ASCC3: variants seen among roughly 807,000 people sequenced by gnomAD.
The protein encoded by ASCC3 is ASC-1 complex subunit P200.
In ASCC3, 158 loss-of-function variants were observed where a neutral mutation model predicts 256.3. That is an observed-to-expected ratio of 0.62 (90% confidence interval 0.54 to 0.70). The LOEUF is 0.70. ASCC3 is among the 30% of genes least tolerant of loss of function. The pLI is 0.00. For synonymous variants in ASCC3, 948 were observed against 883.4 expected (o/e 1.07, Z -1.30); for missense variants, 2,259 against 2,626.0 (o/e 0.86, Z 3.05).
chr6:100,866,585 G>T (rs1455011139), intron 2 of ASCC3, among the ~76,000 whole-genome samples: 2 of 152,182 alleles, frequency 1.3e-5, no homozygotes, highest in East Asian at 1.9e-4. Flanking sequence ...CTTAAAGGGG[G>T]TGATTAAGTT....
At chr6:100,836,874 C>A (rs1771902569) in intron 4 of ASCC3, among the ~76,000 whole-genome samples, 1 of 152,056 alleles carries the variant, frequency 6.6e-6, no homozygotes, top group South Asian at 2.1e-4. Flanking sequence ...CTGGAATTTT[C>A]TTTGATGGGA....
intron 4 of ASCC3, among the ~76,000 whole-genome samples, chr6:100,808,839 A>G (rs1770317154): frequency 6.6e-6 from 1 of 151,938 alleles, no homozygotes; most frequent in Non-Finnish European, 1.5e-5. Flanking sequence ...CAGCTAGACT[A>G]TATGGTGTAG....
At chr6:100,601,699 A>C (rs1772623143) in intron 34 of ASCC3, 111 bp downstream of exon 34, 4 of 1,259,540 alleles carry the variant, frequency 3.2e-6, no homozygotes, top group Non-Finnish European at 3.4e-6. Context: ...TATACCTAGA[A>C]TCTCCAAAGT....
chr6:100,684,685 C>T (rs974032001), intron 13 of ASCC3, among the ~76,000 whole-genome samples: 1 of 151,834 alleles, frequency 6.6e-6, no homozygotes, highest in Admixed American at 6.6e-5. Context: ...TATTTAACAT[C>T]ACACAAAACA....
intron 30 of ASCC3, among the ~76,000 whole-genome samples, chr6:100,609,101 T>G (rs530705615): frequency 6.6e-6 from 1 of 151,904 alleles, no homozygotes; most frequent in African/African-American, 2.4e-5. Flanking sequence ...TATTTGCACT[T>G]TATTTTATTT....
chr6:100,755,344 A>T (rs1188428904), intron 10 of ASCC3, among the ~76,000 whole-genome samples: 1 of 149,424 alleles, frequency 6.7e-6, no homozygotes, highest in African/African-American at 2.5e-5. Flanking sequence ...TTATATATAT[A>T]TTTTCCCCCA....
chr6:100,822,414 G>A (rs9377235), intron 4 of ASCC3, among the ~76,000 whole-genome samples: 59,092 of 151,560 alleles, frequency 0.39, 12,808 homozygotes, highest in Middle Eastern at 0.56. Flanking sequence ...GCATATGCCT[G>A]TGGTCCCAAC....
chr6:100,736,505 A>C (rs997479054), intron 10 of ASCC3, among the ~76,000 whole-genome samples: 2 of 152,104 alleles, frequency 1.3e-5, no homozygotes, highest in African/African-American at 4.8e-5. Context: ...CCATTTCAAA[A>C]AAAAAAAAGT....
At chr6:100,605,797 A>C in intron 32 of ASCC3, 97 bp from the exon 33 acceptor site, 1 of 1,343,266 alleles carries the variant, frequency 7.4e-7, no homozygotes, top group Non-Finnish European at 1.1e-6. Flanking sequence ...ACCAAATAAC[A>C]AAAGAAATAG....
intron 4 of ASCC3, among the ~76,000 whole-genome samples, chr6:100,845,960 G>T (rs1772361708): frequency 6.6e-6 from 1 of 152,068 alleles, no homozygotes; most frequent in African/African-American, 2.4e-5. Context: ...TATTCCCATG[G>T]TTCTGCTACA....
At chr6:100,627,040 C>G (rs1421857813) in intron 29 of ASCC3, among the ~76,000 whole-genome samples, 1 of 152,132 alleles carries the variant, frequency 6.6e-6, no homozygotes, top group Non-Finnish European at 1.5e-5. Context: ...CAATCAACAG[C>G]AGCTCACATT....
chr6:100,621,812 A>G (rs945445498), intron 30 of ASCC3, among the ~76,000 whole-genome samples: 6 of 152,252 alleles, frequency 3.9e-5, no homozygotes, highest in Admixed American at 1.3e-4. Flanking sequence ...AGCACTATTC[A>G]CAATAGCAAA....
At chr6:100,541,949 C>T (rs1369552210) in intron 36 of ASCC3, among the ~76,000 whole-genome samples, 1 of 152,038 alleles carries the variant, frequency 6.6e-6, no homozygotes, top group African/African-American at 2.4e-5. Context: ...GAAGAATACA[C>T]ATTGAAGAAA....
intron 10 of ASCC3, among the ~76,000 whole-genome samples, chr6:100,755,713 A>G (rs1562274296): frequency 6.6e-6 from 1 of 152,080 alleles, no homozygotes; most frequent in Non-Finnish European, 1.5e-5. Context: ...AAATATTTCT[A>G]TTATTTTCAT....
chr6:100,567,776 A>AT (rs1054399603), intron 36 of ASCC3, among the ~76,000 whole-genome samples: 1 of 151,974 alleles, frequency 6.6e-6, no homozygotes, highest in African/African-American at 2.4e-5. Flanking sequence ...TATGTACCAC[A>AT]TTTTTTTATC....
intron 10 of ASCC3, among the ~76,000 whole-genome samples, chr6:100,726,792 C>A (rs761117215): frequency 4.6e-5 from 7 of 152,030 alleles, no homozygotes; most frequent in Non-Finnish European, 1.0e-4. Flanking sequence ...CAAGACATTT[C>A]CATCTGCTCT....
chr6:100,814,245 T>C (rs1187540857), intron 4 of ASCC3, among the ~76,000 whole-genome samples: 1 of 152,220 alleles, frequency 6.6e-6, no homozygotes, highest in African/African-American at 2.4e-5. Context: ...ATTACGTTTA[T>C]TGATTTGCAT....
chr6:100,575,380 T>C (rs1770805151), intron 36 of ASCC3, among the ~76,000 whole-genome samples: 2 of 152,108 alleles, frequency 1.3e-5, no homozygotes, highest in Non-Finnish European at 2.9e-5. Flanking sequence ...AAACAATTTA[T>C]AGTTGTGCCT....
chr6:100,812,188 C>T (rs1310353136), intron 4 of ASCC3, among the ~76,000 whole-genome samples: 2 of 151,936 alleles, frequency 1.3e-5, no homozygotes, highest in African/African-American at 2.4e-5. Context: ...AATAACTAGC[C>T]CCAGTGGAAA....
Sources: allele counts gnomAD v4.1 joint callset (sites outside exome capture counted in the v4.1 genomes callset), GRCh38; gene constraint gnomAD v4.1.1; transcripts MANE v1.5; gene names NCBI Gene and HGNC (gene_info 2026-07-23, HGNC 2026-07-21).